The following PARD3 variants were observed in gnomAD, a reference collection of about 807,000 sequenced individuals.
PARD3 encodes par-3 family cell polarity regulator, also known as partitioning defective 3 homolog.
A neutral mutation model predicts 155.4 loss-of-function variants in PARD3; 75 were observed. That is an observed-to-expected ratio of 0.48 (90% CI 0.40 to 0.58). The LOEUF is 0.58. Ranked by LOEUF, PARD3 falls within the 20% of genes least tolerant of loss-of-function variation. The pLI is 0.00. For missense variants in PARD3, 1,642 were observed against 1,721.7 expected (o/e 0.95, Z 0.82); for synonymous variants, 576 against 610.5 (o/e 0.94, Z 0.83).
At chr10:34,297,906 T>G (rs913883487) in intron 20 of PARD3, among the ~76,000 whole-genome samples, 2 of 152,206 alleles carry the variant, frequency 1.3e-5, no homozygotes, top group Non-Finnish European at 2.9e-5. Flanking sequence ...TTCCCCAGCT[T>G]CCCTTGAAAA....
rs1374624737 is a variant in PARD3 at position 34,213,397 on chromosome 10, G to A, written c.3419+56260C>T. Among the ~76,000 whole-genome samples, 58 of 152,196 alleles carry A rather than the reference G, an allele frequency of 3.8e-4. 2 individuals are homozygous for A. Among genetic ancestry groups the A allele is most frequent in the Admixed American group, 3.7e-3 (57 of 15,276 alleles). On this transcript the variant is annotated intron_variant, in intron 22 of 24. Coordinates refer to ENST00000374788, the MANE Select transcript of PARD3 (RefSeq NM_001184785.2). ...GGATCTGCCTCAGTGACCCAAGCAC[G>A]CCCACCATGCCCCACCTCCCAACAC... is the stretch of plus-strand genomic sequence containing the variant.
Position 34,295,366 on chromosome 10 carries a change from TCCAAATATACAA to T in PARD3, c.3066-11133_3066-11122del, listed in dbSNP as rs71033307. ...ATTTGACCAAATAGTTCAACAAGCG[TCCAAATATACAA>T]CTTGTTGATTTGTGCACTGGCCTGG... is the stretch of plus-strand genomic sequence containing the variant. On this transcript the variant is annotated intron_variant, in intron 20 of 24. Transcript: ENST00000374788. 4.0e-3 allele frequency among the ~76,000 whole-genome samples: 604 copies of T among 152,318 alleles called. 1 individual carries two copies. The highest frequency in any genetic ancestry group is 6.6e-3 in the Non-Finnish European group (452 of 68,014).
chr10:34,581,535 A>G (rs1259129485), intron 2 of PARD3, among the ~76,000 whole-genome samples: 1 of 152,126 alleles, frequency 6.6e-6, no homozygotes, highest in Admixed American at 6.5e-5. Context: ...CGCCCGGCCT[A>G]TTTAGGTTAT....
At chr10:34,749,383 G>A (rs371855641) in intron 1 of PARD3, among the ~76,000 whole-genome samples, 9 of 151,910 alleles carry the variant, frequency 5.9e-5, no homozygotes, top group African/African-American at 1.9e-4. Context: ...CTGCATACTC[G>A]GAAAACCCAA....
intron 20 of PARD3, among the ~76,000 whole-genome samples, chr10:34,315,961 C>T (rs920771504): frequency 1.6e-4 from 25 of 152,200 alleles, no homozygotes; most frequent in African/African-American, 6.0e-4. Context: ...ATCTACAGAA[C>T]ACATCTGTTG....
intron 1 of PARD3, among the ~76,000 whole-genome samples, chr10:34,716,234 T>C (rs2094517767): frequency 6.6e-6 from 1 of 152,200 alleles, no homozygotes; most frequent in South Asian, 2.1e-4. Flanking sequence ...TTATGGTACA[T>C]GGTGTCTCAG....
intron 22 of PARD3, among the ~76,000 whole-genome samples, chr10:34,226,580 T>C (rs1952614206): frequency 6.6e-6 from 1 of 152,182 alleles, no homozygotes; most frequent in South Asian, 2.1e-4. Context: ...TAAGTAGTAC[T>C]GGTGGAGATG....
At chr10:34,221,455 T>C (rs1207376011) in intron 22 of PARD3, among the ~76,000 whole-genome samples, 3 of 151,312 alleles carry the variant, frequency 2.0e-5, no homozygotes, top group Non-Finnish European at 4.4e-5. Context: ...GATGTTTTGA[T>C]ATATGTATAG....
intron 2 of PARD3, among the ~76,000 whole-genome samples, chr10:34,636,328 C>G (rs1213981405): frequency 6.6e-6 from 1 of 152,164 alleles, no homozygotes; most frequent in Non-Finnish European, 1.5e-5. Context: ...CTCTGTCATC[C>G]AAACCCACAC....
intron 12 of PARD3, among the ~76,000 whole-genome samples, chr10:34,372,014 AT>A (rs1399682312): frequency 6.6e-6 from 1 of 152,236 alleles, no homozygotes; most frequent in East Asian, 1.9e-4. Flanking sequence ...CTTTTGTTAA[AT>A]TATCTCTTTT....
chr10:34,184,183 A>AT (rs1950386870), intron 22 of PARD3, among the ~76,000 whole-genome samples: 2 of 152,202 alleles, frequency 1.3e-5, no homozygotes, highest in Non-Finnish European at 2.9e-5. Flanking sequence ...TTTCCGACCA[A>AT]GTATAAGCAG....
chr10:34,358,662 C>A (rs1236909957), intron 14 of PARD3, among the ~76,000 whole-genome samples: 1 of 152,130 alleles, frequency 6.6e-6, no homozygotes, highest in African/African-American at 2.4e-5. Context: ...CACTGAACTC[C>A]AGCATGGTCA....
chr10:34,121,070 A>AT (rs1946974098), intron 23 of PARD3, among the ~76,000 whole-genome samples: 1 of 151,954 alleles, frequency 6.6e-6, no homozygotes, highest in African/African-American at 2.4e-5. Context: ...AAAAAGAAAA[A>AT]AAAAAAAGGA....
At chr10:34,213,863 G>T (rs1951873263) in intron 22 of PARD3, among the ~76,000 whole-genome samples, 1 of 151,964 alleles carries the variant, frequency 6.6e-6, no homozygotes, top group African/African-American at 2.4e-5. Context: ...TTGATTTTTT[G>T]CAGGGTATCT....
At chr10:34,261,271 G>A (rs1954943848) in intron 22 of PARD3, among the ~76,000 whole-genome samples, 1 of 151,522 alleles carries the variant, frequency 6.6e-6, no homozygotes, top group Non-Finnish European at 1.5e-5. Context: ...GTGTCTTCAA[G>A]CAAATAAAAA....
chr10:34,419,804 A>C (rs1589506135), intron 5 of PARD3, among the ~76,000 whole-genome samples: 1 of 152,242 alleles, frequency 6.6e-6, no homozygotes, highest in Non-Finnish European at 1.5e-5. Context: ...TATTTTATAC[A>C]TAGGACATAT....
chr10:34,362,997 G>C (rs1466667424), intron 12 of PARD3, among the ~76,000 whole-genome samples: 1 of 152,180 alleles, frequency 6.6e-6, no homozygotes, highest in Non-Finnish European at 1.5e-5. Context: ...GCATGGAAAA[G>C]CTACATTTGA....
chr10:34,587,741 G>A (rs1056141787), intron 2 of PARD3, among the ~76,000 whole-genome samples: 8 of 152,024 alleles, frequency 5.3e-5, no homozygotes, highest in Admixed American at 2.0e-4. Flanking sequence ...TCTGAGTTTC[G>A]TGCAAGTACT....
At chr10:34,362,215 C>T (rs1360514916) in intron 12 of PARD3, among the ~76,000 whole-genome samples, 2 of 152,076 alleles carry the variant, frequency 1.3e-5, no homozygotes, top group Non-Finnish European at 2.9e-5. Context: ...AGGAGAATGG[C>T]GTGAACCTAG....
Sources: allele counts gnomAD v4.1 joint callset (sites outside exome capture counted in the v4.1 genomes callset), GRCh38; gene constraint gnomAD v4.1.1; transcripts MANE v1.5; gene names NCBI Gene and HGNC (gene_info 2026-07-23, HGNC 2026-07-21).